The following UGT1A8 variants were observed in gnomAD, a reference collection of about 807,000 sequenced individuals.
The protein encoded by UGT1A8 is UDP glucuronosyltransferase family 1 member A8, also known as UDP-glucuronosyltransferase 1A8.
UGT1A8 carries 39 observed loss-of-function variants against 45.3 expected under a neutral mutation model. That is an observed-to-expected ratio of 0.86 (90% CI 0.67 to 1.12). UGT1A8 has a LOEUF of 1.12. Among genes scored for constraint, UGT1A8 ranks in the 50% most tolerant of loss-of-function variants. The probability of loss-of-function intolerance (pLI) is 0.00; values close to 1 mark genes in which losing one functional copy is unlikely to be tolerated. For synonymous variants in UGT1A8, 275 were observed against 249.2 expected (o/e 1.10, Z -0.97); for missense variants, 719 against 664.9 (o/e 1.08, Z -0.90).
chr2:233,686,016 A>G lies in UGT1A8; in HGVS notation c.855+67454A>G, dbSNP rs565898309. On this transcript the variant is annotated intron_variant, in intron 1 of 4. Coordinates refer to ENST00000373450, the MANE Select transcript of UGT1A8 (RefSeq NM_019076.5). ...CTGTACATCCTTTGCCTTGATTTTCATCATGGTGCCAAGAGCATTGAAATG... is the reference window on the plus strand; with the variant it reads ...CTGTACATCCTTTGCCTTGATTTTCGTCATGGTGCCAAGAGCATTGAAATG... Among the ~76,000 whole-genome samples the G allele has an allele frequency of 7.0e-4, 107 of 152,332 alleles. 1 individual carries two copies. Among genetic ancestry groups the G allele is most frequent in the African/African-American group, 2.3e-3 (96 of 41,584 alleles).
At chr2:233,736,248 A>G (rs2078745941) in intron 1 of UGT1A8, among the ~76,000 whole-genome samples, 1 of 151,866 alleles carries the variant, frequency 6.6e-6, no homozygotes, top group Non-Finnish European at 1.5e-5. Context: ...TTCTCACTTT[A>G]TTTCATTAAT....
chr2:233,670,448 C>T (rs1417704478), intron 1 of UGT1A8, among the ~76,000 whole-genome samples: 9 of 152,238 alleles, frequency 5.9e-5, no homozygotes, highest in African/African-American at 2.2e-4. Context: ...GCTTTAGTTT[C>T]AGTGCCCATT....
At chr2:233,702,131 A>C (rs1379311746) in intron 1 of UGT1A8, among the ~76,000 whole-genome samples, 1 of 151,904 alleles carries the variant, frequency 6.6e-6, no homozygotes, top group Non-Finnish European at 1.5e-5. Context: ...ATTTTCAGTC[A>C]CTCCCAAAGA....
chr2:233,752,595 T>A (rs1013400964), intron 1 of UGT1A8: 3 of 152,218 alleles, frequency 2.0e-5, no homozygotes, highest in Non-Finnish European at 2.9e-5. Context: ...CTACAAGATT[T>A]TTTTTAAAAA....
chr2:233,719,450 G>T, intron 1 of UGT1A8: 1 of 1,613,868 alleles, frequency 6.2e-7, no homozygotes, highest in Non-Finnish European at 8.5e-7. Flanking sequence ...TCCTGCAAAG[G>T]GTCAAGAACA....
intron 1 of UGT1A8, among the ~76,000 whole-genome samples, chr2:233,686,344 T>C (rs1306705883): frequency 6.6e-6 from 1 of 152,140 alleles, no homozygotes; most frequent in Non-Finnish European, 1.5e-5. Context: ...ACAAAAGCTT[T>C]TGTATATCAA....
At chr2:233,762,315 G>A (rs565893517) in intron 1 of UGT1A8, among the ~76,000 whole-genome samples, 4 of 152,216 alleles carry the variant, frequency 2.6e-5, no homozygotes, top group Non-Finnish European at 4.4e-5. Flanking sequence ...TTAATGGGTC[G>A]AGAGTAATCC....
chr2:233,668,644 A>G (rs1642909097), intron 1 of UGT1A8, among the ~76,000 whole-genome samples: 1 of 152,236 alleles, frequency 6.6e-6, no homozygotes, highest in South Asian at 2.1e-4. Flanking sequence ...GTCTTCCACA[A>G]TGGTTGAACT....
At chr2:233,772,184 TA>T (rs2126065808) in intron 4 of UGT1A8, 77 bp from the exon 5 acceptor site, 1 of 1,591,636 alleles carries the variant, frequency 6.3e-7, no homozygotes, top group Admixed American at 1.8e-5. Context: ...GTAGTCTTCT[TA>T]AGCAGCCATG....
In UGT1A8 at chr2:233,636,762, G is replaced by A. The variant is rs201300142; in HGVS notation, c.855+18200G>A. Reference sequence around the variant, plus strand: ...GCACAGTGAAGACTTACTCAACCTCGTACACTCTGGAAGATCAGAACCGGG... The same window carrying A: ...GCACAGTGAAGACTTACTCAACCTCATACACTCTGGAAGATCAGAACCGGG... On this transcript the variant is annotated intron_variant, in intron 1 of 4. Transcript: ENST00000373450. 3.6e-5 allele frequency: 58 copies of A among 1,614,008 alleles called. No individual in the cohort carries two copies. In the Middle Eastern group the frequency reaches 6.6e-4, roughly 18 times the overall value.
chr2:233,751,725 C>G (rs1174648123), intron 1 of UGT1A8, among the ~76,000 whole-genome samples: 1 of 152,184 alleles, frequency 6.6e-6, no homozygotes, highest in African/African-American at 2.4e-5. Context: ...CAAGTGAACT[C>G]TTCCTCTCTG....
Position 233,646,110 on chromosome 2 carries a change from C to T in UGT1A8, c.855+27548C>T, listed in dbSNP as rs140014513. 5.1e-3 allele frequency among the ~76,000 whole-genome samples: 782 copies of T among 152,330 alleles called. 7 individuals carry two copies. The highest frequency in any genetic ancestry group is 0.017 in the African/African-American group (697 of 41,580). The stretch of plus-strand genomic sequence containing the variant: ...ACCCCACATGGAAGCTGCCAAGGCT[C>T]GGCACTTGCACCTTCTGAAGCCATG... On this transcript the variant is annotated intron_variant, in intron 1 of 4. Transcript: ENST00000373450.
At chr2:233,703,835 C>A (rs2075754934) in intron 1 of UGT1A8, among the ~76,000 whole-genome samples, 1 of 151,934 alleles carries the variant, frequency 6.6e-6, no homozygotes, top group Admixed American at 6.6e-5. Context: ...TTGTTTAATC[C>A]ATTCACATTT....
intron 1 of UGT1A8, among the ~76,000 whole-genome samples, chr2:233,636,086 C>T (rs914436288): frequency 2.0e-5 from 3 of 150,962 alleles, no homozygotes; most frequent in East Asian, 1.9e-4. Context: ...TTCCCTGGAA[C>T]ATGAGATGCC....
chr2:233,632,463 A>G (rs2073207347), intron 1 of UGT1A8, among the ~76,000 whole-genome samples: 1 of 152,178 alleles, frequency 6.6e-6, no homozygotes, highest in Non-Finnish European at 1.5e-5. Flanking sequence ...CTTCCTATCC[A>G]TGAGCATGGA....
At chr2:233,755,201 G>T (rs745426123) in intron 1 of UGT1A8, 6 of 1,105,450 alleles carry the variant, frequency 5.4e-6, no homozygotes, top group Non-Finnish European at 7.7e-6. Flanking sequence ...CCAGCTTGCG[G>T]TACGCCTTCT....
rs1007277466 is a variant in UGT1A8 at position 233,747,537 on chromosome 2, A to G, written c.856-19497A>G. On this transcript the variant is annotated intron_variant, in intron 1 of 4. Coordinates refer to ENST00000373450, the MANE Select transcript of UGT1A8 (RefSeq NM_019076.5). ...CTTTGAAACAGAACATTTTCTGAAG[A>G]CATTTTCTAAAAGTATGGCAATTTT... The G allele has an allele frequency of 2.1e-5, 33 of 1,604,828 alleles. No individual in the cohort carries two copies. The Admixed American group carries it at 5.3e-4, about 26-fold the overall frequency.
At position 233,719,159 on chromosome 2, in the gene UGT1A8, T is replaced by G. The variant is rs28898610; in HGVS notation, c.856-47875T>G. On this transcript the variant is annotated intron_variant, in intron 1 of 4. Coordinates refer to ENST00000373450, the MANE Select transcript of UGT1A8 (RefSeq NM_019076.5). ...ATCTTCTGAAGAGATATTCTAGAAGTATGGCAATTATGAACAATGTATCTT... is the reference window on the plus strand; with the variant it reads ...ATCTTCTGAAGAGATATTCTAGAAGGATGGCAATTATGAACAATGTATCTT... 1.9e-6 allele frequency: 3 copies of G among 1,614,126 alleles called. No homozygotes were observed. Among genetic ancestry groups the G allele is most frequent in the Admixed American group, 1.7e-5 (1 of 60,002 alleles).
chr2:233,720,446 C>A (rs2076860422), intron 1 of UGT1A8, among the ~76,000 whole-genome samples: 1 of 152,024 alleles, frequency 6.6e-6, no homozygotes, highest in African/African-American at 2.4e-5. Context: ...TCTATAAGCC[C>A]AGTGAAGCTG....
Sources: allele counts gnomAD v4.1 joint callset (sites outside exome capture counted in the v4.1 genomes callset), GRCh38; gene constraint gnomAD v4.1.1; transcripts MANE v1.5; gene names NCBI Gene and HGNC (gene_info 2026-07-23, HGNC 2026-07-21).